Variants in MAP3K5 observed in about 807,000 individuals in gnomAD.
MAP3K5 encodes ASK-1.
A neutral mutation model predicts 158.7 loss-of-function variants in MAP3K5; 56 were observed. That is an observed-to-expected ratio of 0.35 (90% CI 0.28 to 0.44). MAP3K5 has a LOEUF of 0.44. Ranked by LOEUF, MAP3K5 falls within the 20% of genes least tolerant of loss-of-function variation. The pLI, the probability that MAP3K5 is intolerant of heterozygous loss-of-function variation, is 1.00. For synonymous variants in MAP3K5, 579 were observed against 601.7 expected, an observed-to-expected ratio of 0.96 and a Z score of 0.55; for missense variants, 1,294 against 1,674.8, an observed-to-expected ratio of 0.77 and a Z score of 3.97.
In MAP3K5 at chr6:136,567,752, T is replaced by C; in HGVS notation, c.3640A>G (p.Ile1214Val). Residue 1214 changes from isoleucine (I) to valine (V), a missense_variant, in exon 26 of 30, where the codon ATT (isoleucine) becomes GTT (valine). Around this residue, in one of 5 missense-constraint regions of MAP3K5, gnomAD observed 199 missense variants for 220.3 expected, o/e 0.90. Transcript: ENST00000359015. ...CCTGAGGTAGCCACAGCATCTTCAA[T>C]GACAGCCTGAGGTCTTCGGACAGTT... ...NQTVRRPQAV[I>V]EDAVATSGVS... 6.2e-7 allele frequency: 1 copy of C among 1,614,152 alleles called. No individual in the cohort carries two copies. Among genetic ancestry groups the C allele is most frequent in the South Asian group, 1.1e-5 (1 of 91,086 alleles).
chr6:136,562,947 G>T (rs1430360133), intron 26 of MAP3K5, among the ~76,000 whole-genome samples: 3 of 150,906 alleles, frequency 2.0e-5, no homozygotes, highest in Non-Finnish European at 4.4e-5. Flanking sequence ...CAAAGCTCTG[G>T]GATTATAGGT....
intron 23 of MAP3K5, among the ~76,000 whole-genome samples, chr6:136,591,604 G>A (rs1300905675): frequency 6.6e-6 from 1 of 152,112 alleles, no homozygotes; most frequent in Non-Finnish European, 1.5e-5. Flanking sequence ...ATTAGTCTAC[G>A]GCAAAACTGG....
chr6:136,745,988 T>G (rs138158133), intron 1 of MAP3K5, among the ~76,000 whole-genome samples: 18 of 152,246 alleles, frequency 1.2e-4, no homozygotes, highest in African/African-American at 3.9e-4. Flanking sequence ...GGAGCATGCA[T>G]AGCCTGGAAA....
chr6:136,769,817 G>T (rs969466660), intron 1 of MAP3K5, among the ~76,000 whole-genome samples: 1 of 38,608 alleles, frequency 2.6e-5, no homozygotes, highest in African/African-American at 9.9e-5. Flanking sequence ...GGGAGGGGAC[G>T]GGAGGGAGGG....
chr6:136,708,238 T>C (rs1448349839), intron 2 of MAP3K5, among the ~76,000 whole-genome samples: 5 of 152,170 alleles, frequency 3.3e-5, no homozygotes, highest in Middle Eastern at 3.4e-3. Flanking sequence ...AATTTGATGA[T>C]GTTACTTAGT....
chr6:136,771,018 T>C (rs1784177215), intron 1 of MAP3K5, among the ~76,000 whole-genome samples: 2 of 152,214 alleles, frequency 1.3e-5, no homozygotes, highest in African/African-American at 4.8e-5. Flanking sequence ...TGTCATTTAA[T>C]GTGATGTTAG....
intron 8 of MAP3K5, among the ~76,000 whole-genome samples, chr6:136,665,826 T>C (rs1779207154): frequency 6.6e-6 from 1 of 152,228 alleles, no homozygotes; most frequent in Non-Finnish European, 1.5e-5. Flanking sequence ...TCCTTGATTA[T>C]CTCTATTGAT....
chr6:136,567,488 A>G (rs1193501955), intron 26 of MAP3K5, 143 bp downstream of exon 26: 2 of 879,352 alleles, frequency 2.3e-6, no homozygotes, highest in Non-Finnish European at 3.4e-6. Flanking sequence ...AGGCTAAACT[A>G]AACTTCTCTT....
rs1830301893 is a variant in MAP3K5, at chr6:136,557,512, A to T, written c.*246T>A. 2 of 371,490 alleles carry T rather than the reference A, an allele frequency of 5.4e-6. No homozygotes were observed. Among genetic ancestry groups the T allele is most frequent in the African/African-American group, 2.1e-5 (1 of 47,552 alleles). 23.0% of individuals were successfully genotyped at this position (371,490 alleles called of 1,614,324 possible). On this transcript the variant is annotated 3_prime_UTR_variant, in exon 30 of 30. Coordinates refer to ENST00000359015, the MANE Select transcript of MAP3K5 (RefSeq NM_005923.4). ...TGCTTAGATTAAAATCTTCCTGAACATTAGGGTTCTAATGTTCAGGATTAT... is the reference window on the plus strand; with the variant it reads ...TGCTTAGATTAAAATCTTCCTGAACTTTAGGGTTCTAATGTTCAGGATTAT...
At chr6:136,642,179 C>T (rs1196897792) in intron 12 of MAP3K5, among the ~76,000 whole-genome samples, 7 of 151,996 alleles carry the variant, frequency 4.6e-5, no homozygotes, top group African/African-American at 7.3e-5. Context: ...ACCAAAAGGA[C>T]AGAAATCATC....
chr6:136,688,555 G>A (rs1348740260), intron 7 of MAP3K5, among the ~76,000 whole-genome samples: 1 of 152,128 alleles, frequency 6.6e-6, no homozygotes, highest in African/African-American at 2.4e-5. Flanking sequence ...TGAACACAAA[G>A]CTCTTTTGAG....
chr6:136,608,631 C>T (rs1267447255), intron 18 of MAP3K5, among the ~76,000 whole-genome samples: 4 of 152,154 alleles, frequency 2.6e-5, no homozygotes, highest in African/African-American at 9.7e-5. Context: ...TTAAGTCTTG[C>T]TTGAGTCTCA....
intron 23 of MAP3K5, among the ~76,000 whole-genome samples, chr6:136,587,520 T>C (rs1775191220): frequency 6.6e-6 from 1 of 152,184 alleles, no homozygotes; most frequent in African/African-American, 2.4e-5. Flanking sequence ...AGCCTTTAAG[T>C]GATGGAACCA....
chr6:136,659,807 C>G (rs772276647), intron 8 of MAP3K5, among the ~76,000 whole-genome samples: 2 of 152,116 alleles, frequency 1.3e-5, no homozygotes, highest in Non-Finnish European at 2.9e-5. Flanking sequence ...GTGTTGGCTG[C>G]GTAACAGTGC....
At chr6:136,774,824 C>T (rs1184535668) in intron 1 of MAP3K5, among the ~76,000 whole-genome samples, 1 of 152,220 alleles carries the variant, frequency 6.6e-6, no homozygotes, top group African/African-American at 2.4e-5. Flanking sequence ...GAAAAAGAGA[C>T]ATGGAACTAT....
chr6:136,765,031 T>G (rs528187868), intron 1 of MAP3K5, among the ~76,000 whole-genome samples: 1 of 152,324 alleles, frequency 6.6e-6, no homozygotes, highest in East Asian at 1.9e-4. Flanking sequence ...TGTGCGGCAA[T>G]GGAGAACTTT....
intron 11 of MAP3K5, among the ~76,000 whole-genome samples, chr6:136,649,543 C>T (rs988368917): frequency 6.6e-6 from 1 of 152,130 alleles, no homozygotes; most frequent in African/African-American, 2.4e-5. Context: ...CCAACTAAGT[C>T]GGTCTCCTGG....
intron 1 of MAP3K5, among the ~76,000 whole-genome samples, chr6:136,728,735 C>T (rs1230936206): frequency 6.6e-6 from 1 of 152,192 alleles, no homozygotes; most frequent in Non-Finnish European, 1.5e-5. Flanking sequence ...TTCCTAACCT[C>T]CCCAACCCAG....
At chr6:136,650,695 C>T (rs765589168) in intron 11 of MAP3K5, among the ~76,000 whole-genome samples, 6 of 152,146 alleles carry the variant, frequency 3.9e-5, no homozygotes, top group Non-Finnish European at 2.9e-5. Flanking sequence ...GCATAACTTA[C>T]GGCATGAATT....
Sources: gnomAD v4.1 joint callset for allele counts (sites outside exome capture counted in the v4.1 genomes callset) on GRCh38, gnomAD v4.1.1 for gene constraint, gnomAD v4.1.1 regional missense constraint, MANE v1.5 for transcripts, NCBI Gene and HGNC (gene_info 2026-07-23, HGNC 2026-07-21) for gene names.